FREM1: variants seen among roughly 807,000 people sequenced by gnomAD.
FREM1 encodes FRAS1-related extracellular matrix protein 1.
Under a neutral mutation model 210.1 loss-of-function variants are expected in FREM1, and 220 were observed. That is an observed-to-expected ratio of 1.05 (90% CI 0.94 to 1.17). The LOEUF (loss-of-function observed/expected upper bound fraction) is 1.17, where lower values mean the gene tolerates loss of function less well. Among genes scored for constraint, FREM1 ranks in the 50% most tolerant of loss-of-function variants. The probability of loss-of-function intolerance (pLI) is 0.00; values close to 1 mark genes in which losing one functional copy is unlikely to be tolerated. For synonymous variants in FREM1, 1,189 were observed against 980.2 expected, an observed-to-expected ratio of 1.21 and a Z score of -3.98; for missense variants, 3,454 against 2,675.5, an observed-to-expected ratio of 1.29 and a Z score of -6.42.
chr9:14,793,116 G>A (rs1401456890), intron 21 of FREM1, among the ~76,000 whole-genome samples: 1 of 152,178 alleles, frequency 6.6e-6, no homozygotes, highest in South Asian at 2.1e-4. Context: ...GAGGTAATTA[G>A]GCACTTCTAA....
At chr9:14,868,174 G>A (rs2131829017) in intron 2 of FREM1, among the ~76,000 whole-genome samples, 1 of 152,258 alleles carries the variant, frequency 6.6e-6, no homozygotes, top group South Asian at 2.1e-4. Flanking sequence ...GCTATGCTAA[G>A]GTCACAGGTA....
chr9:14,756,803 G>C (rs1486698534), intron 28 of FREM1, among the ~76,000 whole-genome samples: 3 of 152,112 alleles, frequency 2.0e-5, no homozygotes, highest in Non-Finnish European at 4.4e-5. Flanking sequence ...TTTTAAAATA[G>C]TCCCTCAAAA....
intron 1 of FREM1, among the ~76,000 whole-genome samples, chr9:14,903,541 C>T (rs959188122): frequency 6.6e-6 from 1 of 152,114 alleles, no homozygotes; most frequent in African/African-American, 2.4e-5. Context: ...ATGCCTCATT[C>T]AGGATTCCGT....
At chr9:14,786,515 A>G (rs1488974697) in intron 23 of FREM1, among the ~76,000 whole-genome samples, 1 of 152,188 alleles carries the variant, frequency 6.6e-6, no homozygotes, top group African/African-American at 2.4e-5. Flanking sequence ...ACGACAGGCA[A>G]TTTTGCTCCC....
intron 28 of FREM1, 128 bp from the exon 29 acceptor site, chr9:14,756,574 TA>T: frequency 1.6e-6 from 1 of 616,856 alleles, no homozygotes. Flanking sequence ...GTAGGGTTTT[TA>T]AAAAAATTAT....
rs552818210 is a variant in FREM1 at position 14,748,355 on chromosome 9, T to A, written c.5796+46A>T. 25 of 1,050,776 alleles carry A rather than the reference T, an allele frequency of 2.4e-5. No individual in the cohort carries two copies. The African/African-American group carries it at 3.8e-4, about 16-fold the overall frequency. The allele number at this position is 1,050,776 out of a possible 1,614,324, so 65.1% of individuals were successfully genotyped here. On this transcript the variant is annotated intron_variant, in intron 31 of 36. Coordinates refer to ENST00000380880, the MANE Select transcript of FREM1 (RefSeq NM_001379081.2). ...ACTTATTAATATCTTCTGATCCTTTTAATATGTATTTTGCACATCATTTCC... is the reference window on the plus strand; with the variant it reads ...ACTTATTAATATCTTCTGATCCTTTAAATATGTATTTTGCACATCATTTCC...
chr9:14,792,456 C>G (rs1360397833), intron 22 of FREM1, among the ~76,000 whole-genome samples: 1 of 152,142 alleles, frequency 6.6e-6, no homozygotes, highest in Non-Finnish European at 1.5e-5. Flanking sequence ...GGATTATCCT[C>G]AGAAAGCAGA....
chr9:14,754,257 C>T (rs750539503), intron 29 of FREM1, among the ~76,000 whole-genome samples: 1 of 152,312 alleles, frequency 6.6e-6, no homozygotes, highest in South Asian at 2.1e-4. Flanking sequence ...TCATCTCACC[C>T]TTTCATTGTA....
At chr9:14,766,832 C>T (rs1393217609) in intron 27 of FREM1, among the ~76,000 whole-genome samples, 2 of 152,158 alleles carry the variant, frequency 1.3e-5, no homozygotes, top group African/African-American at 4.8e-5. Flanking sequence ...GCGTTTAGCT[C>T]ATTGATTAAT....
intron 36 of FREM1, 118 bp downstream of exon 36, chr9:14,740,031 G>T: frequency 1.8e-6 from 1 of 546,474 alleles, no homozygotes; most frequent in Non-Finnish European, 3.2e-6. Flanking sequence ...TCTATTGGTT[G>T]CCTATTATTG....
At chr9:14,775,381 T>C (rs915387195) in intron 25 of FREM1, among the ~76,000 whole-genome samples, 1 of 152,124 alleles carries the variant, frequency 6.6e-6, no homozygotes, top group African/African-American at 2.4e-5. Flanking sequence ...ATGCATAATC[T>C]GTACTTGAAT....
chr9:14,793,446 G>A lies in FREM1; in HGVS notation c.3840-562C>T, dbSNP rs1018926841. On this transcript the variant is annotated intron_variant, in intron 21 of 36. Coordinates refer to ENST00000380880, the MANE Select transcript of FREM1 (RefSeq NM_001379081.2). Reference sequence around the variant, plus strand: ...CTTGTTGTAGATTCATCTTTTCCCAGTGTTACAGATGCCAGGTCAGCTCCT... The same window carrying A: ...CTTGTTGTAGATTCATCTTTTCCCAATGTTACAGATGCCAGGTCAGCTCCT... Among the ~76,000 whole-genome samples the A allele has an allele frequency of 2.6e-5, 4 of 152,288 alleles. No individual in the cohort carries two copies. The South Asian group carries it at 8.3e-4, about 32-fold the overall frequency.
At chr9:14,910,692 G>C (rs1297586535), upstream of FREM1, 2 of 152,330 alleles carry the variant, frequency 1.3e-5, no homozygotes, top group African/African-American at 4.8e-5. Flanking sequence ...GCATTCTCAC[G>C]CATGCTCCAC....
At chr9:14,787,440 G>A (rs1243279225) in intron 23 of FREM1, among the ~76,000 whole-genome samples, 2 of 152,154 alleles carry the variant, frequency 1.3e-5, no homozygotes, top group Non-Finnish European at 2.9e-5. Flanking sequence ...AGCAGAGTCT[G>A]GCAACGCACT....
chr9:14,905,606 G>A (rs1444946291), intron 1 of FREM1, among the ~76,000 whole-genome samples: 2 of 152,208 alleles, frequency 1.3e-5, no homozygotes, highest in Non-Finnish European at 1.5e-5. Context: ...AATCAAGTGA[G>A]GGTCGGGGGC....
At chr9:14,885,053 T>C (rs966172705) in intron 1 of FREM1, among the ~76,000 whole-genome samples, 2 of 141,710 alleles carry the variant, frequency 1.4e-5, no homozygotes, top group African/African-American at 5.6e-5. Context: ...GCCCCCCGAG[T>C]GGCTGGGACT....
chr9:14,739,996 G>A (rs1841236283), intron 36 of FREM1, among the ~76,000 whole-genome samples, 153 bp downstream of exon 36: 2 of 152,138 alleles, frequency 1.3e-5, no homozygotes, highest in African/African-American at 2.4e-5. Context: ...GGTTTAAGAT[G>A]AGTTTTAAAA....
intron 15 of FREM1, among the ~76,000 whole-genome samples, chr9:14,813,574 A>G (rs1819772185): frequency 6.6e-6 from 1 of 152,176 alleles, no homozygotes; most frequent in South Asian, 2.1e-4. Flanking sequence ...TGCATTTCAA[A>G]CAGTTTGAGT....
At chr9:14,870,771 AT>A (rs1309163268) in intron 1 of FREM1, among the ~76,000 whole-genome samples, 1 of 150,532 alleles carries the variant, frequency 6.6e-6, no homozygotes, top group African/African-American at 2.4e-5. Flanking sequence ...GTCACTTAGC[AT>A]TAGGTATATC....
Sources: gnomAD v4.1 joint callset for allele counts (sites outside exome capture counted in the v4.1 genomes callset) on GRCh38, gnomAD v4.1.1 for gene constraint, MANE v1.5 for transcripts, NCBI Gene and HGNC (gene_info 2026-07-23, HGNC 2026-07-21) for gene names.